The following TUBB8 variants were observed in gnomAD, a reference collection of about 807,000 sequenced individuals.
TUBB8 encodes tubulin beta-8 chain.
Under a neutral mutation model 33.7 loss-of-function variants are expected in TUBB8, and 25 were observed. The observed-to-expected ratio is 0.74, with a 90% CI of 0.54 to 1.04. TUBB8 has a LOEUF of 1.04. TUBB8 is among the 50% of genes least tolerant of loss of function. TUBB8 has a pLI of 0.00. For synonymous variants in TUBB8, 245 were observed against 240.1 expected (o/e 1.02, Z -0.19); for missense variants, 279 against 608.0 (o/e 0.46, Z 5.69).
At chr10:65,770 T>C (rs1464251662) in intron 1 of TUBB8, among the ~76,000 whole-genome samples, 2 of 152,208 alleles carry the variant, frequency 1.3e-5, no homozygotes, top group East Asian at 1.9e-4. Flanking sequence ...AAGAAAATAA[T>C]TGTAATTTCA....
At chr10:52,208 T>C (rs548930140), upstream of TUBB8, among the ~76,000 whole-genome samples, 2 of 152,288 alleles carry the variant, frequency 1.3e-5, no homozygotes, top group East Asian at 3.9e-4. Flanking sequence ...ACTTAAGTAA[T>C]AGTGGGTAAT....
chr10:67,579 G>A (rs1418839249), intron 1 of TUBB8, among the ~76,000 whole-genome samples: 6 of 143,672 alleles, frequency 4.2e-5, no homozygotes, highest in African/African-American at 1.4e-4. Context: ...CGCATGCCAC[G>A]ATCCCTGGCT....
At chr10:71,743 ATAAAGATCCTGCT>A (rs1834738994) in intron 1 of TUBB8, among the ~76,000 whole-genome samples, 1 of 128,488 alleles carries the variant, frequency 7.8e-6, no homozygotes, top group Non-Finnish European at 1.7e-5. Context: ...CCTGAGGGAC[ATAAAGATCCTGCT>A]TAAATTAGCA....
At chr10:46,789 G>T (rs1834333687), downstream of TUBB8, 3 of 416,934 alleles carry the variant, frequency 7.2e-6, no homozygotes, top group African/African-American at 4.1e-5. Flanking sequence ...CTTGTTCCTG[G>T]GCATGTGATG....
downstream of TUBB8, among the ~76,000 whole-genome samples, chr10:46,622 C>G (rs1339318534): frequency 6.7e-6 from 1 of 148,684 alleles, no homozygotes; most frequent in African/African-American, 2.5e-5. Flanking sequence ...CCAGCTGGTC[C>G]CCTAGAAGTT....
chr10:63,714 G>A (rs143207681), intron 1 of TUBB8, among the ~76,000 whole-genome samples: 250 of 151,840 alleles, frequency 1.6e-3, no homozygotes, highest in African/African-American at 5.6e-3. Flanking sequence ...GAATTTCTTC[G>A]AATTACCTCA....
At position 47,856 on chromosome 10, in the gene TUBB8, A is replaced by ACGGT. The variant is rs1176766917; in HGVS notation, c.532_535dup (p.Val179AspfsTer21). On this transcript the variant is annotated frameshift_variant, in exon 4 of 4. Coordinates refer to ENST00000568584, the MANE Select transcript of TUBB8 (RefSeq NM_177987.3). LOFTEE classifies it high-confidence loss of function. ...GAGGGTGGCGTTGTAGGGCTCCACC[A>ACGGT]CGGTGTCCGACACCTTGGGCGAGGG... The ACGGT allele has an allele frequency of 6.2e-7, 1 of 1,614,092 alleles. No homozygotes were observed. The highest frequency in any genetic ancestry group is 8.5e-7 in the Non-Finnish European group (1 of 1,180,044).
chr10:72,620 A>C (rs1453424366), intron 1 of TUBB8, among the ~76,000 whole-genome samples: 3 of 151,050 alleles, frequency 2.0e-5, no homozygotes, highest in Non-Finnish European at 2.9e-5. Context: ...TTGAGAGGCC[A>C]AGGCGGGTGG....
chr10:54,872 C>T (rs1834509869), intron 1 of TUBB8, among the ~76,000 whole-genome samples: 1 of 152,164 alleles, frequency 6.6e-6, no homozygotes, highest in Admixed American at 6.5e-5. Context: ...AATTCTCTGC[C>T]TCAGCCTCTT....
intron 1 of TUBB8, among the ~76,000 whole-genome samples, chr10:72,529 G>T (rs533750235): frequency 6.6e-6 from 1 of 152,184 alleles, no homozygotes; most frequent in Non-Finnish European, 1.5e-5. Flanking sequence ...CTGCAGTCCA[G>T]CCTGGGCGAC....
At chr10:67,797 A>C (rs1834690028) in intron 1 of TUBB8, among the ~76,000 whole-genome samples, 1 of 152,002 alleles carries the variant, frequency 6.6e-6, no homozygotes, top group African/African-American at 2.4e-5. Context: ...TTTTTGAGAG[A>C]GTCTCACACT....
chr10:61,454 T>C lies in TUBB8; in HGVS notation c.-845-11221A>G, dbSNP rs1438358618. Among the ~76,000 whole-genome samples, 7 of 152,254 alleles carry C rather than the reference T, an allele frequency of 4.6e-5. No individual in the cohort carries two copies. In the East Asian group the frequency reaches 1.2e-3, roughly 25 times the overall value. On this transcript the variant is annotated intron_variant, in intron 1 of 3. Coordinates refer to the TUBB8 transcript ENST00000564130. ...TTTAATCGATTTCTAGTTTGTTCCA[T>C]TGTGGTCAGAGAAAATGCTTGAAAT...
chr10:60,287 G>A (rs1834581159), intron 1 of TUBB8, among the ~76,000 whole-genome samples: 4 of 151,830 alleles, frequency 2.6e-5, no homozygotes, highest in Admixed American at 2.0e-4. Flanking sequence ...GAGTGAACAG[G>A]CAACCTACAA....
upstream of TUBB8, among the ~76,000 whole-genome samples, chr10:74,330 A>G (rs534852560): frequency 1.4e-4 from 21 of 151,706 alleles, no homozygotes; most frequent in South Asian, 4.4e-3. Context: ...ACCGGAACGC[A>G]TGGAGATAGC....
At chr10:65,783 C>G (rs1175961373) in intron 1 of TUBB8, among the ~76,000 whole-genome samples, 7 of 152,194 alleles carry the variant, frequency 4.6e-5, no homozygotes, top group South Asian at 2.1e-4. Flanking sequence ...TAATTTCATA[C>G]TAGCACGTAT....
At chr10:74,243 G>A (rs1252478017), upstream of TUBB8, 4 of 151,478 alleles carry the variant, frequency 2.6e-5, no homozygotes, top group South Asian at 8.3e-4. Flanking sequence ...GGAATCTCTG[G>A]AAATCAGCGT....
At chr10:53,182 G>A (rs535734130), upstream of TUBB8, among the ~76,000 whole-genome samples, 7 of 152,204 alleles carry the variant, frequency 4.6e-5, no homozygotes, top group East Asian at 1.3e-3. Context: ...AGGCTGGAGT[G>A]CAGTGCACCA....
intron 1 of TUBB8, among the ~76,000 whole-genome samples, chr10:68,266 T>C (rs1400934711): frequency 6.6e-6 from 1 of 152,190 alleles, no homozygotes; most frequent in Non-Finnish European, 1.5e-5. Context: ...CTAAGACTCA[T>C]ATGACACCCA....
At chr10:69,500 C>T (rs1554742038) in intron 1 of TUBB8, among the ~76,000 whole-genome samples, 2 of 152,080 alleles carry the variant, frequency 1.3e-5, no homozygotes, top group Non-Finnish European at 2.9e-5. Flanking sequence ...TAAGAATCAC[C>T]CGCAATTTGT....
Sources: allele counts gnomAD v4.1 joint callset (sites outside exome capture counted in the v4.1 genomes callset), GRCh38; gene constraint gnomAD v4.1.1; transcripts MANE v1.5; gene names NCBI Gene and HGNC (gene_info 2026-07-23, HGNC 2026-07-21).